C10orf90: variants seen among roughly 807,000 people sequenced by gnomAD.
The protein encoded by C10orf90 is (E2-independent) E3 ubiquitin-conjugating enzyme FATS.
Under a neutral mutation model 62.5 loss-of-function variants are expected in C10orf90, and 56 were observed. The ratio of observed to expected loss-of-function variants is 0.90; its 90% confidence interval spans 0.72 to 1.12. The LOEUF is 1.12. Ranked by LOEUF, C10orf90 falls within the 50% of genes most tolerant of loss-of-function variation. C10orf90 has a pLI of 0.00. For missense variants in C10orf90, 970 were observed against 880.4 expected, an observed-to-expected ratio of 1.10 and a Z score of -1.29; for synonymous variants, 386 against 340.4, an observed-to-expected ratio of 1.13 and a Z score of -1.47.
At chr10:126,650,499 G>A (rs976019962) in intron 1 of C10orf90, among the ~76,000 whole-genome samples, 22 of 152,114 alleles carry the variant, frequency 1.4e-4, no homozygotes, top group African/African-American at 5.3e-4. Flanking sequence ...TTACAGAGCT[G>A]GAAAGTGAGG....
chr10:126,441,769 G>C (rs1858343825), intron 7 of C10orf90, among the ~76,000 whole-genome samples: 1 of 152,106 alleles, frequency 6.6e-6, no homozygotes, highest in South Asian at 2.1e-4. Context: ...CAAGAATTTT[G>C]TATCAAGTGA....
intron 4 of C10orf90, among the ~76,000 whole-genome samples, chr10:126,484,734 T>C (rs541948630): frequency 7.2e-5 from 11 of 152,236 alleles, no homozygotes; most frequent in African/African-American, 1.9e-4. Context: ...CTTAAGAACA[T>C]AAACATAGGT....
chr10:126,541,807 C>A (rs1389819964), intron 2 of C10orf90, among the ~76,000 whole-genome samples: 3 of 152,156 alleles, frequency 2.0e-5, no homozygotes, highest in African/African-American at 4.8e-5. Context: ...CAAAGAATTA[C>A]CATATGACCA....
chr10:126,564,123 G>A (rs1188376480), intron 2 of C10orf90, among the ~76,000 whole-genome samples: 1 of 152,086 alleles, frequency 6.6e-6, no homozygotes, highest in Non-Finnish European at 1.5e-5. Flanking sequence ...GGGGAGACAT[G>A]GACCAGGAAC....
At chr10:126,599,275 T>A (rs890340946) in intron 2 of C10orf90, among the ~76,000 whole-genome samples, 1 of 148,738 alleles carries the variant, frequency 6.7e-6, no homozygotes, top group Non-Finnish European at 1.5e-5. Flanking sequence ...AAGCTTCGCC[T>A]CCCGGGTTCA....
At chr10:126,556,808 C>G (rs1864783708) in intron 2 of C10orf90, among the ~76,000 whole-genome samples, 1 of 151,976 alleles carries the variant, frequency 6.6e-6, no homozygotes, top group African/African-American at 2.4e-5. Context: ...TTCCTGTAGA[C>G]ATCATGAAGT....
At chr10:126,466,843 A>G (rs1860316810) in intron 4 of C10orf90, among the ~76,000 whole-genome samples, 1 of 152,244 alleles carries the variant, frequency 6.6e-6, no homozygotes, top group Non-Finnish European at 1.5e-5. Flanking sequence ...TTGACTACCT[A>G]TTATAAAGTT....
chr10:126,486,356 A>G (rs1861434253), intron 4 of C10orf90, among the ~76,000 whole-genome samples: 3 of 152,180 alleles, frequency 2.0e-5, no homozygotes, highest in African/African-American at 7.2e-5. Flanking sequence ...CAACCCAGAA[A>G]ATTTTCACAG....
chr10:126,527,223 G>A (rs965451917), intron 2 of C10orf90, among the ~76,000 whole-genome samples: 1 of 152,156 alleles, frequency 6.6e-6, no homozygotes, highest in African/African-American at 2.4e-5. Context: ...CCTCACAGTT[G>A]TTATTGTCGT....
At chr10:126,445,700 A>C (rs1362567682) in intron 7 of C10orf90, among the ~76,000 whole-genome samples, 1 of 151,998 alleles carries the variant, frequency 6.6e-6, no homozygotes, top group Non-Finnish European at 1.5e-5. Context: ...TTATACAAAA[A>C]AGATACTTGC....
chr10:126,532,348 A>G (rs911802599), intron 2 of C10orf90, among the ~76,000 whole-genome samples: 10 of 152,244 alleles, frequency 6.6e-5, no homozygotes, highest in African/African-American at 2.4e-4. Context: ...CTGGGGTCTG[A>G]GGCCCTGATT....
intron 4 of C10orf90, among the ~76,000 whole-genome samples, chr10:126,465,640 G>A (rs1281926246): frequency 6.6e-6 from 1 of 152,092 alleles, no homozygotes; most frequent in Admixed American, 6.5e-5. Context: ...ACAATTTATC[G>A]GGTCAACGTG....
intron 2 of C10orf90, among the ~76,000 whole-genome samples, chr10:126,594,186 C>T (rs962413674): frequency 7.3e-5 from 11 of 149,946 alleles, no homozygotes; most frequent in African/African-American, 2.7e-4. Flanking sequence ...CCTCTAGGCA[C>T]ATTCCTAAGT....
intron 2 of C10orf90, among the ~76,000 whole-genome samples, chr10:126,631,943 C>T (rs1222006939): frequency 6.6e-6 from 1 of 152,102 alleles, no homozygotes; most frequent in African/African-American, 2.4e-5. Flanking sequence ...GGGGACCAGA[C>T]ACTGTCCTCA....
Position 126,490,083 on chromosome 10 carries a change from AATAATAT to A in C10orf90, c.1534+13867_1534+13873del, listed in dbSNP as rs1258618755. Reference sequence around the variant, plus strand: ...TATAATATATAATATATAATATAATAATAATATATAATATATAATATATATGTATATA... The same window carrying A: ...TATAATATATAATATATAATATAATAATAATATATAATATATATGTATATA... On this transcript the variant is annotated intron_variant, in intron 4 of 9. Coordinates refer to ENST00000488181, the MANE Select transcript of C10orf90 (RefSeq NM_001350921.2). 1.8e-3 allele frequency among the ~76,000 whole-genome samples: 202 copies of A among 112,602 alleles called. 1 individual carries two copies. Among genetic ancestry groups the A allele is most frequent in the African/African-American group, 5.4e-3 (154 of 28,368 alleles). 73.9% of individuals were successfully genotyped at this position (112,602 alleles called of 152,430 possible). A position where few individuals can be genotyped will look rare whatever the true frequency, so the allele number is the denominator to read the frequency against.
At chr10:126,505,949 C>T (rs570340347) in intron 3 of C10orf90, among the ~76,000 whole-genome samples, 5 of 152,174 alleles carry the variant, frequency 3.3e-5, no homozygotes, top group African/African-American at 4.8e-5. Context: ...TGTGAAACTT[C>T]GTCTCTCTCA....
At chr10:126,435,601 AT>A (rs1394039340) in intron 7 of C10orf90, among the ~76,000 whole-genome samples, 1 of 152,158 alleles carries the variant, frequency 6.6e-6, no homozygotes, top group East Asian at 1.9e-4. Flanking sequence ...AATATGGCAG[AT>A]GAGGCACAGG....
intron 2 of C10orf90, among the ~76,000 whole-genome samples, chr10:126,540,200 A>G (rs1256846595): frequency 6.6e-6 from 1 of 152,224 alleles, no homozygotes; most frequent in East Asian, 1.9e-4. Flanking sequence ...ATTATAGTGG[A>G]GGAAATAAAA....
At chr10:126,556,637 G>T (rs1225667816) in intron 2 of C10orf90, among the ~76,000 whole-genome samples, 3 of 152,128 alleles carry the variant, frequency 2.0e-5, no homozygotes, top group Non-Finnish European at 4.4e-5. Flanking sequence ...GTGGGACCAG[G>T]TCCCCACGGG....
Sources: allele counts gnomAD v4.1 joint callset (sites outside exome capture counted in the v4.1 genomes callset), GRCh38; gene constraint gnomAD v4.1.1; transcripts MANE v1.5; gene names NCBI Gene and HGNC (gene_info 2026-07-23, HGNC 2026-07-21).